ADARB2: variants seen among roughly 807,000 people sequenced by gnomAD.
ADARB2 encodes adenosine deaminase RNA specific B2 (inactive).
A neutral mutation model predicts 62.2 loss-of-function variants in ADARB2; 25 were observed. The observed-to-expected ratio is 0.40, with a 90% CI of 0.29 to 0.56. ADARB2 has a LOEUF of 0.56. ADARB2 is among the 20% of genes least tolerant of loss of function. ADARB2 has a pLI of 0.43. For missense variants in ADARB2, 1,071 were observed against 1,077.4 expected (o/e 0.99, Z 0.08); for synonymous variants, 572 against 500.8 (o/e 1.14, Z -1.90).
rs771369533 is a variant in ADARB2, at chr10:1,347,677, C to T, written c.1077+15351G>A. ...ACCCTCAGTAAGACCACGGGTGCCT[C>T]GACCCGGCTGGTGCACAAGGAGCAC... is the stretch of plus-strand genomic sequence containing the variant. On this transcript the variant is annotated intron_variant, in intron 3 of 9. Coordinates refer to ENST00000381312, the MANE Select transcript of ADARB2 (RefSeq NM_018702.4). 7.8e-4 allele frequency among the ~76,000 whole-genome samples: 119 copies of T among 152,182 alleles called. 1 individual carries two copies. Among genetic ancestry groups the T allele is most frequent in the Non-Finnish European group, 2.9e-4 (20 of 68,032 alleles).
rs375385935 is a variant in ADARB2 at position 1,554,008 on chromosome 10, C to T, written c.101-174848G>A. Among the ~76,000 whole-genome samples the T allele has an allele frequency of 4.6e-5, 7 of 152,334 alleles. No homozygotes were observed. In the East Asian group the frequency reaches 7.7e-4, roughly 17 times the overall value. On this transcript the variant is annotated intron_variant, in intron 1 of 9. Coordinates refer to ENST00000381312, the MANE Select transcript of ADARB2 (RefSeq NM_018702.4). ...GGAGGCTGTGCAGGGTTGGAACCTG[C>T]CCCCAGCGCTCAGCTCTGCTCCGTC...
chr10:1,422,736 A>G (rs909933868), intron 1 of ADARB2, among the ~76,000 whole-genome samples: 1 of 152,212 alleles, frequency 6.6e-6, no homozygotes, highest in African/African-American at 2.4e-5. Flanking sequence ...CCATCTGTCA[A>G]TGTGTCACCA....
chr10:1,211,647 G>A (rs138712623), intron 7 of ADARB2, among the ~76,000 whole-genome samples: 28 of 152,300 alleles, frequency 1.8e-4, no homozygotes, highest in African/African-American at 5.8e-4. Context: ...AAACAATCAC[G>A]TGTGTAGCTT....
intron 1 of ADARB2, among the ~76,000 whole-genome samples, chr10:1,415,240 A>G (rs773951282): frequency 4.0e-5 from 6 of 151,416 alleles, no homozygotes; most frequent in Non-Finnish European, 8.8e-5. Flanking sequence ...GGGAAGATAG[A>G]TGGGTACAAG....
chr10:1,363,464 G>T lies in ADARB2; in HGVS notation c.641C>A (p.Ser214Tyr). The change falls in exon 3 of 10, where the codon TCC becomes TAC. Residue 214 changes from serine to tyrosine, a missense_variant. Physicochemically the swap from Ser to Tyr is moderately radical, Grantham distance 144. Transcript: ENST00000381312. ...GGPGPGTDFT[S>Y]DQADFPDTLF... ...CGTGTCGGGGAAATCGGCCTGGTCG[G>T]AGGTGAAGTCCGTGCCGGGGCCCGG... 1 of 1,463,818 alleles carries T rather than the reference G, an allele frequency of 6.8e-7. No homozygotes were observed. Among genetic ancestry groups the T allele is most frequent in the East Asian group, 2.7e-5 (1 of 36,710 alleles). 90.7% of individuals were successfully genotyped at this position (1,463,818 alleles called of 1,614,324 possible). A position where few individuals can be genotyped will look rare whatever the true frequency, so the allele number is the denominator to read the frequency against.
In ADARB2 at chr10:1,640,843, A is replaced by C. The variant is rs368251621; in HGVS notation, c.100+96208T>G. The stretch of plus-strand genomic sequence containing the variant: ...CCAATGGTAAATGGTGAATTTTAGT[A>C]ACAGAAAGTAAAGGATATAAGAAGA... On this transcript the variant is annotated intron_variant, in intron 1 of 9. Coordinates refer to ENST00000381312, the MANE Select transcript of ADARB2 (RefSeq NM_018702.4). Among the ~76,000 whole-genome samples, 10 of 152,218 alleles carry C rather than the reference A, an allele frequency of 6.6e-5. No individual in the cohort carries two copies. In the East Asian group the frequency reaches 7.7e-4, roughly 12 times the overall value.
At chr10:1,266,920 A>C (rs950723386) in intron 4 of ADARB2, among the ~76,000 whole-genome samples, 9 of 152,224 alleles carry the variant, frequency 5.9e-5, no homozygotes, top group South Asian at 2.1e-4. Context: ...TATGAGCTGT[A>C]GGATAAATTT....
rs367991486 is a variant in ADARB2, at chr10:1,419,559, G to A, written c.101-40399C>T. 7.2e-5 allele frequency among the ~76,000 whole-genome samples: 11 copies of A among 152,300 alleles called. 1 individual carries two copies. Among genetic ancestry groups the A allele is most frequent in the African/African-American group, 2.6e-4 (11 of 41,552 alleles). ...ACTTTATGGAGGGCACAGCCTCACT[G>A]GGCGGAACCGGTACCCAGAGGGACG... is the stretch of plus-strand genomic sequence containing the variant. On this transcript the variant is annotated intron_variant, in intron 1 of 9. Transcript: ENST00000381312.
intron 1 of ADARB2, among the ~76,000 whole-genome samples, chr10:1,608,175 G>A (rs188838576): frequency 1.1e-3 from 166 of 152,332 alleles, no homozygotes; most frequent in African/African-American, 3.5e-3. Context: ...CTGTGCCAAC[G>A]TCTGGAGCGG....
chr10:1,533,835 G>A (rs535703012), intron 1 of ADARB2, among the ~76,000 whole-genome samples: 24 of 152,264 alleles, frequency 1.6e-4, no homozygotes, highest in South Asian at 2.1e-4. Context: ...CTCTGTCAGC[G>A]GACGGGACCC....
chr10:1,584,520 T>C (rs796481389), intron 1 of ADARB2, among the ~76,000 whole-genome samples: 17 of 152,346 alleles, frequency 1.1e-4, no homozygotes, highest in African/African-American at 4.1e-4. Context: ...CTTCTGTGGA[T>C]GACAGTTCCA....
chr10:1,515,529 G>A (rs1348241889), intron 1 of ADARB2, among the ~76,000 whole-genome samples: 2 of 152,260 alleles, frequency 1.3e-5, no homozygotes, highest in Admixed American at 6.5e-5. Flanking sequence ...ACCCAGGTCA[G>A]TTCTGGAGAA....
At chr10:1,432,650 C>T (rs937982136) in intron 1 of ADARB2, among the ~76,000 whole-genome samples, 7 of 151,770 alleles carry the variant, frequency 4.6e-5, no homozygotes, top group Admixed American at 3.3e-4. Flanking sequence ...GGGAACATAA[C>T]CTTGCTGTCT....
At chr10:1,545,476 G>T (rs17156459) in intron 1 of ADARB2, among the ~76,000 whole-genome samples, 2 of 152,174 alleles carry the variant, frequency 1.3e-5, no homozygotes, top group Non-Finnish European at 2.9e-5. Flanking sequence ...TGTACACAAA[G>T]TTAGAAGAGA....
intron 1 of ADARB2, among the ~76,000 whole-genome samples, chr10:1,475,539 G>A (rs1448404704): frequency 6.6e-6 from 1 of 152,186 alleles, no homozygotes. Context: ...ATACCCTCAG[G>A]ATTGCCCCAG....
Position 1,716,615 on chromosome 10 carries a change from G to A in ADARB2, c.100+20436C>T, listed in dbSNP as rs191641386. On this transcript the variant is annotated intron_variant, in intron 1 of 9. Coordinates refer to ENST00000381312, the MANE Select transcript of ADARB2 (RefSeq NM_018702.4). ...TTTTCCTTGGGGGTTCTCAATGTGC[G>A]TTACCTCTAAGAAGTCTTACAGCAA... Among the ~76,000 whole-genome samples, 506 of 152,240 alleles carry A rather than the reference G, an allele frequency of 3.3e-3. 1 individual carries two copies. The highest frequency in any genetic ancestry group is 6.8e-3 in the Middle Eastern group (2 of 294).
At chr10:1,444,661 C>T (rs1467019857) in intron 1 of ADARB2, among the ~76,000 whole-genome samples, 1 of 151,330 alleles carries the variant, frequency 6.6e-6, no homozygotes, top group East Asian at 2.0e-4. Flanking sequence ...CCCATTCACT[C>T]ATTCATCCAT....
chr10:1,277,656 G>A (rs1006024379), intron 3 of ADARB2, among the ~76,000 whole-genome samples: 3 of 152,162 alleles, frequency 2.0e-5, no homozygotes, highest in African/African-American at 7.2e-5. Context: ...TGGATTCACA[G>A]CCGAATTCTA....
chr10:1,437,097 C>T (rs1271500071), intron 1 of ADARB2, among the ~76,000 whole-genome samples: 1 of 152,140 alleles, frequency 6.6e-6, no homozygotes, highest in Non-Finnish European at 1.5e-5. Flanking sequence ...AGGTTTTCTT[C>T]AGTTCTTTTG....
Sources: gnomAD v4.1 joint callset for allele counts (sites outside exome capture counted in the v4.1 genomes callset) on GRCh38, gnomAD v4.1.1 for gene constraint, MANE v1.5 for transcripts, NCBI Gene and HGNC (gene_info 2026-07-23, HGNC 2026-07-21) for gene names.